ITIH3: variants seen among roughly 807,000 people sequenced by gnomAD.
ITIH3 encodes inter-alpha-trypsin inhibitor heavy chain H3.
Under a neutral mutation model 96.5 loss-of-function variants are expected in ITIH3, and 81 were observed. That is an observed-to-expected ratio of 0.84 (90% CI 0.70 to 1.01). ITIH3 has a LOEUF of 1.01. Ranked by LOEUF, ITIH3 falls within the 50% of genes least tolerant of loss-of-function variation. The probability of loss-of-function intolerance (pLI) is 0.00; values close to 1 mark genes in which losing one functional copy is unlikely to be tolerated. For synonymous variants in ITIH3, 422 were observed against 445.2 expected, an observed-to-expected ratio of 0.95 and a Z score of 0.66; for missense variants, 1,057 against 1,139.3, an observed-to-expected ratio of 0.93 and a Z score of 1.04.
At chr3:52,800,342 T>G in intron 9 of ITIH3, 196 bp from the exon 10 acceptor site, 1 of 628,216 alleles carries the variant, frequency 1.6e-6, no homozygotes, top group East Asian at 2.9e-5. Flanking sequence ...TTCATCCCCA[T>G]TTGAAAGTGG....
chr3:52,805,951 A>G, intron 16 of ITIH3, 111 bp downstream of exon 16: 2 of 1,514,106 alleles, frequency 1.3e-6, no homozygotes, highest in South Asian at 1.2e-5. Flanking sequence ...CAGATGGACA[A>G]TGTGCCCTGA....
intron 2 of ITIH3, chr3:52,795,864 C>G (rs1483950731): frequency 5.6e-6 from 3 of 531,228 alleles, no homozygotes; most frequent in Non-Finnish European, 1.0e-5. Flanking sequence ...TCCCTTCCTT[C>G]CGCAGACACT....
intron 14 of ITIH3, 176 bp from the exon 15 acceptor site, chr3:52,804,549 AG>A: frequency 1.6e-6 from 1 of 624,514 alleles, no homozygotes; most frequent in Non-Finnish European, 2.9e-6. Flanking sequence ...TGGCCAGGCC[AG>A]GCCTCTGGCT....
chr3:52,804,916 G>C (rs9311482), intron 15 of ITIH3, 182 bp downstream of exon 15: 2 of 668,340 alleles, frequency 3.0e-6, no homozygotes, highest in African/African-American at 3.6e-5. Flanking sequence ...GGATCCCTGT[G>C]AGTTAATTGG....
Position 52,806,420 on chromosome 3 carries a change from G to C in ITIH3, c.2056+14G>C. ...ATGCAGTCACAGGTGAGGCTTGTGGGCTAGGGCCGGGGCCAGGGGGCTCTT... is the reference window on the plus strand; with the variant it reads ...ATGCAGTCACAGGTGAGGCTTGTGGCCTAGGGCCGGGGCCAGGGGGCTCTT... On this transcript the variant is annotated intron_variant, in intron 18 of 21. Transcript: ENST00000449956. 6.2e-7 allele frequency: 1 copy of C among 1,600,558 alleles called. No homozygotes were observed. Among genetic ancestry groups the C allele is most frequent in the Non-Finnish European group, 8.5e-7 (1 of 1,170,876 alleles).
chr3:52,804,956 A>G (rs1010560834), intron 15 of ITIH3: 17 of 608,040 alleles, frequency 2.8e-5, no homozygotes, highest in African/African-American at 2.4e-4. Context: ...GGGAGACACA[A>G]TCAGTATGAC....
intron 11 of ITIH3, 27 bp downstream of exon 11, chr3:52,801,173 G>A (rs1483158971): frequency 6.6e-7 from 1 of 1,513,142 alleles, no homozygotes; most frequent in Non-Finnish European, 8.8e-7. Context: ...ACACTTCCGG[G>A]CATAAGGAGC....
chr3:52,798,038 G>A lies in ITIH3; in HGVS notation c.663+108G>A. ...AGCTGCTGCAAGCATGCATGTGTTGGGGTGGGGCTGGGGATCAATCTGCAA... is the reference window on the plus strand; with the variant it reads ...AGCTGCTGCAAGCATGCATGTGTTGAGGTGGGGCTGGGGATCAATCTGCAA... On this transcript the variant is annotated intron_variant, in intron 6 of 21. Transcript: ENST00000449956. 4.4e-6 allele frequency: 3 copies of A among 675,976 alleles called. No individual in the cohort carries two copies. The East Asian group carries it at 8.3e-5, about 19-fold the overall frequency. The allele number at this position is 675,976 out of a possible 1,614,324, so 41.9% of individuals were successfully genotyped here.
intron 21 of ITIH3, 26 bp from the exon 22 acceptor site, chr3:52,808,526 T>C (rs1334041288): frequency 1.2e-6 from 2 of 1,610,520 alleles, no homozygotes; most frequent in East Asian, 4.5e-5. Context: ...ACCCCGTGTA[T>C]TGCAGCATCT....
chr3:52,806,222 A>T, intron 17 of ITIH3, 71 bp from the exon 18 acceptor site: 2 of 1,599,668 alleles, frequency 1.3e-6, no homozygotes, highest in Non-Finnish European at 1.7e-6. Flanking sequence ...CATGGAGGCC[A>T]GAAGGCTGGG....
chr3:52,805,008 T>C, intron 15 of ITIH3: 1 of 496,768 alleles, frequency 2.0e-6, no homozygotes, highest in South Asian at 2.5e-5. Context: ...AGCATGTCAG[T>C]CATTTATACT....
chr3:52,807,724 C>G, intron 19 of ITIH3, 23 bp from the exon 20 acceptor site: 3 of 1,596,498 alleles, frequency 1.9e-6, no homozygotes, highest in Non-Finnish European at 2.6e-6. Context: ...GCCCCACAGC[C>G]ACTTTCTGGC....
At position 52,801,086 on chromosome 3, in the gene ITIH3, G is replaced by A; in HGVS notation, c.1323G>A (p.Leu441=). Residue 441 remains leucine, a synonymous_variant, in exon 11 of 22, where the codon CTG becomes CTA. Transcript: ENST00000449956. ...LNYNFLENMA[L]ENHGFARRIY... ...ATAACTTCCTGGAGAACATGGCCCT[G>A]GAGAACCATGGGTTTGCCCGGCGCA... 1 of 1,609,654 alleles carries A rather than the reference G, an allele frequency of 6.2e-7. No individual in the cohort carries two copies. The highest frequency in any genetic ancestry group is 1.1e-5 in the South Asian group (1 of 90,154).
At chr3:52,805,928 T>A in intron 16 of ITIH3, 88 bp downstream of exon 16, 1 of 1,566,520 alleles carries the variant, frequency 6.4e-7, no homozygotes, top group Non-Finnish European at 8.7e-7. Flanking sequence ...CTCACTCAGC[T>A]CTCCGGGATG....
chr3:52,799,443 T>C lies in ITIH3; in HGVS notation c.861T>C (p.Phe287=). The C allele has an allele frequency of 6.2e-7, 1 of 1,612,732 alleles. No homozygotes were observed. Among genetic ancestry groups the C allele is most frequent in the Non-Finnish European group, 8.5e-7 (1 of 1,179,408 alleles). Residue 287 remains phenylalanine, a synonymous_variant, in exon 8 of 22, where the codon TTT becomes TTC. Coordinates refer to ENST00000449956, the MANE Select transcript of ITIH3 (RefSeq NM_002217.4). Reference sequence around the variant, plus strand: ...CAGTGGTGCCTAAGAACGTGGCCTTTGTGATTGACATCAGCGGCTCCATGG... The same window carrying C: ...CAGTGGTGCCTAAGAACGTGGCCTTCGTGATTGACATCAGCGGCTCCATGG... ...GLPVVPKNVA[F]VIDISGSMAG... is the part of the protein sequence containing the mutation.
rs1385174184 is a variant in ITIH3, at chr3:52,806,918, C to T, written c.2074C>T (p.Gln692Ter). 5.7e-6 allele frequency: 9 copies of T among 1,587,292 alleles called. No homozygotes were observed. The Admixed American group carries it at 1.6e-4, about 28-fold the overall frequency. Residue 692 changes from glutamine (Q) to a stop codon, truncating the protein, a stop_gained, in exon 19 of 22, where the codon CAG (glutamine) becomes TAG (stop). Coordinates refer to ENST00000449956, the MANE Select transcript of ITIH3 (RefSeq NM_002217.4). LOFTEE classifies it high-confidence loss of function. ...DAVTGLTVNG[Q>*]ITGDKRGSPD... is the part of the protein sequence containing the mutation. ...TCTGGCAGGCCTCACAGTTAATGGG[C>T]AGATCACTGGCGACAAGAGAGGCAG...
chr3:52,802,619 G>C, intron 12 of ITIH3, 48 bp from the exon 13 acceptor site: 1 of 1,612,948 alleles, frequency 6.2e-7, no homozygotes, highest in South Asian at 1.1e-5. Context: ...CCCTGAACCT[G>C]ATCCACCCAA....
chr3:52,803,313 TTTATTA>T (rs1359230504), intron 13 of ITIH3, among the ~76,000 whole-genome samples: 2 of 118,068 alleles, frequency 1.7e-5, no homozygotes, highest in Admixed American at 7.5e-5. Flanking sequence ...TTTATTTTAT[TTTATTA>T]TTATTATTTT....
chr3:52,804,621 C>G, intron 14 of ITIH3, 105 bp from the exon 15 acceptor site: 1 of 1,279,256 alleles, frequency 7.8e-7, no homozygotes, highest in Non-Finnish European at 1.1e-6. Context: ...CTGGGAGGCC[C>G]ACAGCCTAGG....
Sources: gnomAD v4.1 joint callset for allele counts (sites outside exome capture counted in the v4.1 genomes callset) on GRCh38, gnomAD v4.1.1 for gene constraint, MANE v1.5 for transcripts, NCBI Gene and HGNC (gene_info 2026-07-23, HGNC 2026-07-21) for gene names.